Variants in ATIC observed in about 807,000 individuals in gnomAD.
ATIC encodes bifunctional purine biosynthesis protein ATIC.
ATIC carries 64 observed loss-of-function variants against 72.5 expected under a neutral mutation model. The ratio of observed to expected loss-of-function variants is 0.88; its 90% CI spans 0.72 to 1.09. The LOEUF (loss-of-function observed/expected upper bound fraction) is 1.09. Among genes scored for constraint, ATIC ranks in the 50% least tolerant of loss-of-function variants. The probability of loss-of-function intolerance (pLI) is 0.00; values close to 1 mark genes in which losing one functional copy is unlikely to be tolerated. For missense variants in ATIC, 787 were observed against 732.4 expected (o/e 1.07, Z -0.86); for synonymous variants, 281 against 267.1 (o/e 1.05, Z -0.51).
At chr2:215,361,669 T>A in the ATIC span, 2 of 1,433,418 alleles carry the variant, frequency 1.4e-6, no homozygotes, top group African/African-American at 2.8e-5. Flanking sequence ...TGGCAAATAC[T>A]GTAAAGTGTA....
intron 2 of ATIC, among the ~76,000 whole-genome samples, chr2:215,316,361 A>G (rs2052709340): frequency 6.6e-6 from 1 of 152,216 alleles, no homozygotes; most frequent in African/African-American, 2.4e-5. Context: ...GTCAAACACC[A>G]GTCATTTGCA....
At chr2:215,315,065 G>A (rs2052694577) in intron 2 of ATIC, among the ~76,000 whole-genome samples, 1 of 152,124 alleles carries the variant, frequency 6.6e-6, no homozygotes, top group Admixed American at 6.5e-5. Flanking sequence ...AGACTGAGGT[G>A]GAGAAAGCCA....
intron 4 of ATIC, among the ~76,000 whole-genome samples, chr2:215,321,670 T>A (rs1210524990): frequency 6.6e-6 from 1 of 152,228 alleles, no homozygotes; most frequent in African/African-American, 2.4e-5. Context: ...TTCTAGTCAT[T>A]CTAGGGGTTC....
rs111381630 is a variant in ATIC at position 215,329,278 on chromosome 2, T to C, written c.688+2300T>C. 5.2e-3 allele frequency among the ~76,000 whole-genome samples: 788 copies of C among 152,362 alleles called. 6 individuals are homozygous for C. The highest frequency in any genetic ancestry group is 0.018 in the African/African-American group (745 of 41,580). On this transcript the variant is annotated intron_variant, in intron 7 of 15. Transcript: ENST00000236959. Reference sequence around the variant, plus strand: ...AATCCCCATGTACTGTCAGTTCTTATACTTTTCATTTTCCAAAGCATTTTC... The same window carrying C: ...AATCCCCATGTACTGTCAGTTCTTACACTTTTCATTTTCCAAAGCATTTTC...
At chr2:215,323,854 A>T (rs1299863169) in intron 4 of ATIC, among the ~76,000 whole-genome samples, 1 of 151,938 alleles carries the variant, frequency 6.6e-6, no homozygotes, top group East Asian at 1.9e-4. Context: ...GCTCACTGTG[A>T]CCTCCGCCTC....
chr2:215,329,979 C>G (rs751808567), intron 7 of ATIC, among the ~76,000 whole-genome samples: 8 of 152,176 alleles, frequency 5.3e-5, no homozygotes, highest in Non-Finnish European at 1.2e-4. Flanking sequence ...CCAGACCAGT[C>G]TGAAACTCCC....
At chr2:215,322,148 C>T (rs2052774881) in intron 4 of ATIC, among the ~76,000 whole-genome samples, 1 of 152,044 alleles carries the variant, frequency 6.6e-6, no homozygotes. Context: ...GGTTATCTGC[C>T]CGCCTTGGCC....
At chr2:215,363,061 G>T in the ATIC span, 1 of 152,018 alleles carries the variant, frequency 6.6e-6, no homozygotes, top group East Asian at 1.9e-4. Flanking sequence ...AAATATTTTA[G>T]ACATATTTCT....
At chr2:215,335,871 T>TC (rs2052948010) in intron 10 of ATIC, among the ~76,000 whole-genome samples, 164 bp from the exon 11 acceptor site, 1 of 152,220 alleles carries the variant, frequency 6.6e-6, no homozygotes, top group Non-Finnish European at 1.5e-5. Flanking sequence ...GAAAGCTGTA[T>TC]TCTAATAGAT....
At position 215,312,121 on chromosome 2, in the gene ATIC, C is replaced by T. The variant is rs1219061755; in HGVS notation, c.-22C>T. 8 of 1,529,942 alleles carry T rather than the reference C, an allele frequency of 5.2e-6. No individual in the cohort carries two copies. The highest frequency in any genetic ancestry group is 2.0e-5 in the Admixed American group (1 of 50,722). The allele number at this position is 1,529,942 out of a possible 1,614,324, so 94.8% of individuals were successfully genotyped here. A position where few individuals can be genotyped will look rare whatever the true frequency, so the allele number is the denominator to read the frequency against. On this transcript the variant is annotated 5_prime_UTR_variant, in exon 1 of 16. Transcript: ENST00000236959. ...GCCGCCGCTGCTGCCTCCCGCTCGCCCTGAACCCAGTGCCTGCAGCCATGG... is the reference window on the plus strand; with the variant it reads ...GCCGCCGCTGCTGCCTCCCGCTCGCTCTGAACCCAGTGCCTGCAGCCATGG...
downstream of ATIC, among the ~76,000 whole-genome samples, chr2:215,351,349 A>G (rs1457264082): frequency 6.6e-6 from 1 of 152,210 alleles, no homozygotes; most frequent in Non-Finnish European, 1.5e-5. Flanking sequence ...TTAAGCCACA[A>G]AGTTCTGGGG....
In ATIC at chr2:215,337,093, T is replaced by A. The variant is rs903767796; in HGVS notation, c.1098+969T>A. ...ACTAAGTTGTTGTTGGCTTTTTTTTTTTTTTTAACTGATTTTTATGAGCTC... is the reference window on the plus strand; with the variant it reads ...ACTAAGTTGTTGTTGGCTTTTTTTTATTTTTTAACTGATTTTTATGAGCTC... On this transcript the variant is annotated intron_variant, in intron 11 of 15. Transcript: ENST00000236959. Among the ~76,000 whole-genome samples the A allele has an allele frequency of 2.0e-3, 298 of 151,900 alleles. 7 individuals carry two copies. The highest frequency in any genetic ancestry group is 6.9e-3 in the African/African-American group (286 of 41,528).
At chr2:215,352,960 A>T (rs2053141935), downstream of ATIC, among the ~76,000 whole-genome samples, 1 of 152,170 alleles carries the variant, frequency 6.6e-6, no homozygotes, top group Non-Finnish European at 1.5e-5. Flanking sequence ...TGATAGCCGT[A>T]GTTATGTAAA....
At position 215,312,488 on chromosome 2, in the gene ATIC, T is replaced by G; in HGVS notation, c.20-10T>G. On this transcript the variant is annotated splice_polypyrimidine_tract_variant and intron_variant, in intron 1 of 15. Coordinates refer to ENST00000236959, the MANE Select transcript of ATIC (RefSeq NM_004044.7). The stretch of plus-strand genomic sequence containing the variant: ...CTGCGAATCATGAGAAAAAATGTCT[T>G]CTCTTTCAGCCTTATTTAGTGTCTC... 1 of 1,614,152 alleles carries G rather than the reference T, an allele frequency of 6.2e-7. No homozygotes were observed. The highest frequency in any genetic ancestry group is 8.5e-7 in the Non-Finnish European group (1 of 1,180,028).
At chr2:215,327,489 G>A (rs1357885103) in intron 7 of ATIC, among the ~76,000 whole-genome samples, 2 of 152,186 alleles carry the variant, frequency 1.3e-5, no homozygotes, top group African/African-American at 4.8e-5. Context: ...AACTAACAAC[G>A]ATAAAGAGGT....
intron 4 of ATIC, 121 bp downstream of exon 4, chr2:215,319,852 T>G: frequency 1.2e-6 from 1 of 819,892 alleles, no homozygotes; most frequent in South Asian, 1.5e-5. Context: ...TCTGTGTGAC[T>G]TTGTATGTGT....
chr2:215,359,377 CAT>C, the ATIC span, among the ~76,000 whole-genome samples: 515 of 151,768 alleles, frequency 3.4e-3, 4 homozygotes, highest in African/African-American at 0.012. Context: ...TTTTGCAGCA[CAT>C]GTGTCTCAGG....
At chr2:215,356,385 C>T in the ATIC span, among the ~76,000 whole-genome samples, 1 of 152,142 alleles carries the variant, frequency 6.6e-6, no homozygotes, top group Non-Finnish European at 1.5e-5. Flanking sequence ...CTACTCTTAC[C>T]CCACATCTCT....
chr2:215,317,225 T>C (rs1241658204), intron 2 of ATIC, among the ~76,000 whole-genome samples: 3 of 152,226 alleles, frequency 2.0e-5, no homozygotes, highest in Non-Finnish European at 4.4e-5. Flanking sequence ...TGTGTGATTA[T>C]TTTTTCTAGT....
Sources: allele counts gnomAD v4.1 joint callset (sites outside exome capture counted in the v4.1 genomes callset), GRCh38; gene constraint gnomAD v4.1.1; transcripts MANE v1.5; gene names NCBI Gene and HGNC (gene_info 2026-07-23, HGNC 2026-07-21).